UST: variants seen among roughly 807,000 people sequenced by gnomAD.
The protein encoded by UST is chondroitin sulfate 2-O-sulfotransferase.
A neutral mutation model predicts 45.6 loss-of-function variants in UST; 21 were observed. That is an observed-to-expected ratio of 0.46 (90% confidence interval 0.33 to 0.66). The LOEUF (loss-of-function observed/expected upper bound fraction) is 0.66. Among genes scored for constraint, UST ranks in the 30% least tolerant of loss-of-function variants. The probability of loss-of-function intolerance (pLI) is 0.02; values close to 1 mark genes in which losing one functional copy is unlikely to be tolerated. For synonymous variants in UST, 215 were observed against 200.6 expected (o/e 1.07, Z -0.61); for missense variants, 463 against 512.4 (o/e 0.90, Z 0.93).
chr6:148,899,260 C>T (rs1340904957), intron 2 of UST, among the ~76,000 whole-genome samples: 2 of 152,082 alleles, frequency 1.3e-5, no homozygotes, highest in East Asian at 3.9e-4. Context: ...CCACTACGCC[C>T]AGCTAATTTT....
chr6:148,898,382 G>T (rs1779176711), intron 2 of UST, among the ~76,000 whole-genome samples: 1 of 152,172 alleles, frequency 6.6e-6, no homozygotes, highest in Non-Finnish European at 1.5e-5. Context: ...AAAATAATCT[G>T]CAAAAGGAAA....
intron 3 of UST, among the ~76,000 whole-genome samples, chr6:148,942,140 T>A (rs1780139077): frequency 6.6e-6 from 1 of 152,134 alleles, no homozygotes; most frequent in South Asian, 2.1e-4. Flanking sequence ...CATGGTCATT[T>A]TACAGAGTTG....
intron 5 of UST, among the ~76,000 whole-genome samples, chr6:148,994,508 A>T (rs540462812): frequency 2.0e-5 from 3 of 152,084 alleles, no homozygotes; most frequent in South Asian, 4.2e-4. Flanking sequence ...TTTTTGGGGG[A>T]CTAATATTGA....
chr6:148,935,657 ACTGCTT>A (rs908738926), intron 2 of UST, among the ~76,000 whole-genome samples: 6 of 152,248 alleles, frequency 3.9e-5, no homozygotes, highest in Admixed American at 2.6e-4. Context: ...ACTATAACTT[ACTGCTT>A]CTTGGTTTTT....
At chr6:148,944,991 A>G (rs1488515082) in intron 3 of UST, among the ~76,000 whole-genome samples, 4 of 152,262 alleles carry the variant, frequency 2.6e-5, no homozygotes, top group Non-Finnish European at 5.9e-5. Context: ...TGCTCTAAAT[A>G]CAAGAAAGGT....
At chr6:148,951,023 C>A (rs1305741053) in intron 3 of UST, among the ~76,000 whole-genome samples, 3 of 152,182 alleles carry the variant, frequency 2.0e-5, no homozygotes, top group Non-Finnish European at 4.4e-5. Context: ...TATTTAGACA[C>A]ACAAGGAGTA....
At chr6:148,822,130 T>C (rs982656068) in intron 1 of UST, among the ~76,000 whole-genome samples, 1 of 152,216 alleles carries the variant, frequency 6.6e-6, no homozygotes, top group Non-Finnish European at 1.5e-5. Flanking sequence ...GTTTGCACAT[T>C]GCTACTGGAA....
intron 5 of UST, among the ~76,000 whole-genome samples, chr6:149,016,867 C>T (rs1253162872): frequency 6.6e-6 from 1 of 152,188 alleles, no homozygotes; most frequent in African/African-American, 2.4e-5. Context: ...CTGGCCCCCT[C>T]CCTGTTGCCA....
intron 5 of UST, among the ~76,000 whole-genome samples, chr6:148,985,387 AAAC>A (rs140686403): frequency 6.6e-5 from 10 of 151,586 alleles, no homozygotes; most frequent in East Asian, 2.0e-4. Flanking sequence ...CTTTGAAGCA[AAAC>A]AACAACAACA....
chr6:149,072,508 C>A (rs1240244936), intron 7 of UST, among the ~76,000 whole-genome samples: 1 of 152,024 alleles, frequency 6.6e-6, no homozygotes, highest in East Asian at 1.9e-4. Context: ...ACAAAATTAG[C>A]CAGGCATGGT....
chr6:148,950,142 G>T (rs938837918), intron 3 of UST, among the ~76,000 whole-genome samples: 2 of 152,146 alleles, frequency 1.3e-5, no homozygotes, highest in Non-Finnish European at 2.9e-5. Flanking sequence ...ACACTTTTGT[G>T]CCTTAGCATC....
chr6:149,012,510 G>A (rs542914137), intron 5 of UST, among the ~76,000 whole-genome samples: 8 of 152,254 alleles, frequency 5.3e-5, no homozygotes, highest in African/African-American at 9.6e-5. Context: ...CACAGCCAGC[G>A]TAAGAAACCG....
chr6:149,048,638 C>A (rs1463203562), intron 7 of UST, among the ~76,000 whole-genome samples: 1 of 151,718 alleles, frequency 6.6e-6, no homozygotes, highest in Non-Finnish European at 1.5e-5. Flanking sequence ...ATATTTGCAA[C>A]AATGATATCA....
At chr6:148,760,539 T>G (rs1239234101) in intron 1 of UST, among the ~76,000 whole-genome samples, 4 of 152,188 alleles carry the variant, frequency 2.6e-5, no homozygotes, top group African/African-American at 7.2e-5. Context: ...AAATGACTAT[T>G]ATGTCTACCC....
At chr6:148,757,971 G>A (rs2081359761) in intron 1 of UST, among the ~76,000 whole-genome samples, 1 of 152,166 alleles carries the variant, frequency 6.6e-6, no homozygotes, top group Non-Finnish European at 1.5e-5. Context: ...GTATACAATA[G>A]GATTAATAAT....
At chr6:149,066,587 T>C (rs973997192) in intron 7 of UST, among the ~76,000 whole-genome samples, 1 of 152,036 alleles carries the variant, frequency 6.6e-6, no homozygotes, top group Admixed American at 6.6e-5. Flanking sequence ...CAGCTGATAC[T>C]GACCCTCATG....
chr6:149,017,809 C>T (rs1001358126), intron 5 of UST, among the ~76,000 whole-genome samples: 2,221 of 139,342 alleles, frequency 0.016, 67 homozygotes, highest in African/African-American at 0.054. Flanking sequence ...TACACACACA[C>T]ACACACACAC....
At chr6:148,947,626 G>C (rs1780272238) in intron 3 of UST, among the ~76,000 whole-genome samples, 1 of 152,310 alleles carries the variant, frequency 6.6e-6, no homozygotes, top group Non-Finnish European at 1.5e-5. Context: ...ATGCGTCCCT[G>C]AAGATTTATG....
intron 1 of UST, among the ~76,000 whole-genome samples, chr6:148,822,286 G>C (rs1049657529): frequency 1.3e-5 from 2 of 152,088 alleles, no homozygotes; most frequent in Admixed American, 6.6e-5. Flanking sequence ...TAACACTCTA[G>C]GTTTGTTCTA....
Sources: allele counts gnomAD v4.1 joint callset (sites outside exome capture counted in the v4.1 genomes callset), GRCh38; gene constraint gnomAD v4.1.1; transcripts MANE v1.5; gene names NCBI Gene and HGNC (gene_info 2026-07-23, HGNC 2026-07-21).